BBS1: variants seen among roughly 807,000 people sequenced by gnomAD.
The protein encoded by BBS1 is Bardet-Biedl syndrome 1.
In BBS1, 60 loss-of-function variants were observed where a neutral mutation model predicts 73.9. The observed-to-expected ratio is 0.81, with a 90% confidence interval of 0.66 to 1.01. The LOEUF is 1.01. BBS1 is among the 50% of genes least tolerant of loss of function. BBS1 has a pLI of 0.00. For missense variants in BBS1, 718 were observed against 770.3 expected (o/e 0.93, Z 0.80); for synonymous variants, 283 against 317.4 (o/e 0.89, Z 1.15).
chr11:66,520,880 A>G (rs1235306526), intron 8 of BBS1: 1 of 326,974 alleles, frequency 3.1e-6, no homozygotes, highest in Admixed American at 4.5e-5. Context: ...CACCACGCCC[A>G]GCTAAGTTTT....
chr11:66,515,636 T>A, intron 5 of BBS1, 50 bp downstream of exon 5: 1 of 1,614,212 alleles, frequency 6.2e-7, no homozygotes, highest in Non-Finnish European at 8.5e-7. Flanking sequence ...TCATCCCATC[T>A]GAGCCCCAGG....
intron 7 of BBS1, among the ~76,000 whole-genome samples, chr11:66,519,320 G>A (rs930697971): frequency 1.3e-5 from 2 of 152,078 alleles, no homozygotes; most frequent in East Asian, 1.9e-4. Context: ...GCAGTGAGCC[G>A]AGATTGTACC....
At chr11:66,515,146 G>A (rs998811990) in intron 4 of BBS1, among the ~76,000 whole-genome samples, 18 of 152,130 alleles carry the variant, frequency 1.2e-4, no homozygotes, top group African/African-American at 4.3e-4. Flanking sequence ...ACAAGGTGTT[G>A]TGCTTGGCTA....
intron 7 of BBS1, among the ~76,000 whole-genome samples, chr11:66,517,699 C>G (rs1856081623): frequency 1.3e-5 from 2 of 151,916 alleles, no homozygotes; most frequent in Admixed American, 1.3e-4. Flanking sequence ...ATCTCTTGAC[C>G]TCGTGATCTG....
intron 8 of BBS1, 62 bp downstream of exon 8, chr11:66,519,810 C>T (rs1364881084): frequency 4.4e-6 from 7 of 1,597,418 alleles, no homozygotes; most frequent in Middle Eastern, 1.7e-4. Context: ...TCCCCATGCT[C>T]CACAGTTAGT....
intron 7 of BBS1, among the ~76,000 whole-genome samples, chr11:66,518,235 GCGTGAACCA>G (rs1298614881): frequency 6.6e-6 from 1 of 151,592 alleles, no homozygotes; most frequent in Non-Finnish European, 1.5e-5. Flanking sequence ...GGGATTACAG[GCGTGAACCA>G]CCGCATCCGG....
rs191296122 is a variant in BBS1, at chr11:66,515,633, A to G, written c.479+47A>G. ...CATACCCCCCTCACTCCTTCATCCCATCTGAGCCCCAGGGCCCCATTCTTC... is the reference window on the plus strand; with the variant it reads ...CATACCCCCCTCACTCCTTCATCCCGTCTGAGCCCCAGGGCCCCATTCTTC... On this transcript the variant is annotated intron_variant, in intron 5 of 16. Coordinates refer to ENST00000318312, the MANE Select transcript of BBS1 (RefSeq NM_024649.5). 998 of 1,614,018 alleles carry G rather than the reference A, an allele frequency of 6.2e-4. 8 individuals are homozygous for G. In the African/African-American group the frequency reaches 0.012, roughly 20 times the overall value.
At chr11:66,511,523 G>A (rs757205522) in intron 3 of BBS1, among the ~76,000 whole-genome samples, 3 of 152,108 alleles carry the variant, frequency 2.0e-5, no homozygotes, top group Non-Finnish European at 4.4e-5. Flanking sequence ...AAATCCCTTG[G>A]TTGGGGGTGG....
intron 13 of BBS1, 63 bp downstream of exon 13, chr11:66,526,870 G>A: frequency 6.2e-7 from 1 of 1,613,722 alleles, no homozygotes; most frequent in Non-Finnish European, 8.5e-7. Flanking sequence ...AGCAAAGCTG[G>A]GGGAATGCTG....
At chr11:66,514,743 C>A in intron 4 of BBS1, 65 bp downstream of exon 4, 3 of 1,580,156 alleles carry the variant, frequency 1.9e-6, no homozygotes, top group Non-Finnish European at 2.6e-6. Context: ...GTGAAGAGGG[C>A]TGGGCTCCTG....
chr11:66,519,530 CTCTT>C, intron 7 of BBS1, 83 bp from the exon 8 acceptor site: 1 of 1,586,960 alleles, frequency 6.3e-7, no homozygotes, highest in Admixed American at 1.7e-5. Flanking sequence ...CTCCTTTGCC[CTCTT>C]TCTTCCCTCA....
rs534219818 is a variant in BBS1, at chr11:66,521,203, T to G, written c.724-67T>G. On this transcript the variant is annotated intron_variant, in intron 8 of 16. Coordinates refer to ENST00000318312, the MANE Select transcript of BBS1 (RefSeq NM_024649.5). ...TAGACCAGGCACTCACTCAGAGGAG[T>G]TACTGACAGGGCAGGGAGGGACGGG... The G allele has an allele frequency of 1.0e-3, 1,208 of 1,193,466 alleles. 28 individuals are homozygous for G. In the South Asian group the frequency reaches 0.014, roughly 14 times the overall value. 73.9% of individuals were successfully genotyped at this position (1,193,466 alleles called of 1,614,324 possible).
At chr11:66,526,573 T>G in intron 12 of BBS1, 76 bp from the exon 13 acceptor site, 2 of 1,583,314 alleles carry the variant, frequency 1.3e-6, no homozygotes, top group Non-Finnish European at 1.7e-6. Context: ...AGGAGGCAGA[T>G]TGTTTGGGGA....
rs1217927081 is a variant in BBS1 at position 66,523,552 on chromosome 11, C to G, written c.927C>G (p.Asp309Glu). ...HKVLVVGSTQ[D>E]SLHGFTHKGK... ...TCCTAGTGGTGGGCAGCACCCAAGA[C>G]AGCCTGCATGGCTTCACCCACAAGG... is the stretch of plus-strand genomic sequence containing the variant. Residue 309 changes from aspartate (D) to glutamate (E), a missense_variant, in exon 10 of 17, where the codon GAC becomes GAG. Asp to Glu is a conservative substitution (Grantham distance 45). Coordinates refer to ENST00000318312, the MANE Select transcript of BBS1 (RefSeq NM_024649.5). 6.2e-7 allele frequency: 1 copy of G among 1,614,028 alleles called. No individual in the cohort carries two copies. The highest frequency in any genetic ancestry group is 8.5e-7 in the Non-Finnish European group (1 of 1,180,022).
chr11:66,510,958 T>C, intron 1 of BBS1, 55 bp from the exon 2 acceptor site: 1 of 1,592,806 alleles, frequency 6.3e-7, no homozygotes, highest in Non-Finnish European at 8.6e-7. Flanking sequence ...TCCTCAAAGT[T>C]TTTTTTTCCC....
chr11:66,513,674 G>C (rs1003867670), intron 3 of BBS1, among the ~76,000 whole-genome samples: 1 of 152,148 alleles, frequency 6.6e-6, no homozygotes, highest in Non-Finnish European at 1.5e-5. Context: ...GCAAGACCCA[G>C]TCGCTTAAAA....
At position 66,531,139 on chromosome 11, in the gene BBS1, A is replaced by C. The variant is rs546886266; in HGVS notation, c.1608+111A>C. 2.9e-5 allele frequency: 42 copies of C among 1,462,846 alleles called. No homozygotes were observed. In the African/African-American group the frequency reaches 4.8e-4, roughly 17 times the overall value. 90.6% of individuals were successfully genotyped at this position (1,462,846 alleles called of 1,614,324 possible). ...GGGTCAGAGCGTGCGGGTGGCTGCC[A>C]GGTGGCCAGCAGACCTACTCTCCCA... On this transcript the variant is annotated intron_variant, in intron 15 of 16. Coordinates refer to ENST00000318312, the MANE Select transcript of BBS1 (RefSeq NM_024649.5).
At chr11:66,526,213 C>A (rs1856483089) in intron 12 of BBS1, 21 bp downstream of exon 12, 2 of 1,612,508 alleles carry the variant, frequency 1.2e-6, no homozygotes, top group Non-Finnish European at 8.5e-7. Flanking sequence ...TCAGACCTGG[C>A]AAGGGCTTTG....
chr11:66,514,025 G>A (rs1460882125), intron 3 of BBS1, among the ~76,000 whole-genome samples: 1 of 152,208 alleles, frequency 6.6e-6, no homozygotes, highest in Non-Finnish European at 1.5e-5. Context: ...AGATATGGGT[G>A]TCCCCGTCCC....
Sources: gnomAD v4.1 joint callset for allele counts (sites outside exome capture counted in the v4.1 genomes callset) on GRCh38, gnomAD v4.1.1 for gene constraint, MANE v1.5 for transcripts, NCBI Gene and HGNC (gene_info 2026-07-23, HGNC 2026-07-21) for gene names.